The following ADAMTS2 variants were observed in gnomAD, a reference collection of about 807,000 sequenced individuals.
ADAMTS2 encodes the protein A disintegrin and metalloproteinase with thrombospondin motifs 2.
A neutral mutation model predicts 123.0 loss-of-function variants in ADAMTS2; 50 were observed. The observed-to-expected ratio is 0.41, with a 90% confidence interval of 0.32 to 0.51. ADAMTS2 has a LOEUF of 0.51. Ranked by LOEUF, ADAMTS2 falls within the 20% of genes least tolerant of loss-of-function variation. The pLI is 0.35. For missense variants in ADAMTS2, 1,494 were observed against 1,705.2 expected (o/e 0.88, Z 2.18); for synonymous variants, 678 against 695.4 (o/e 0.98, Z 0.39).
chr5:179,166,048 C>T (rs754642575), intron 5 of ADAMTS2, among the ~76,000 whole-genome samples: 107 of 152,314 alleles, frequency 7.0e-4, no homozygotes, highest in Middle Eastern at 3.4e-3. Context: ...GACATGGGCT[C>T]CCAACTGGGC....
In ADAMTS2 at chr5:179,308,722, G is replaced by C. The variant is rs1353202252; in HGVS notation, c.534+35045C>G. Among the ~76,000 whole-genome samples the C allele has an allele frequency of 6.6e-6, 1 of 152,202 alleles. No individual in the cohort carries two copies. The highest frequency in any genetic ancestry group is 2.4e-5 in the African/African-American group (1 of 41,458). On this transcript the variant is annotated intron_variant, in intron 2 of 21. Transcript: ENST00000251582. This position sits in a 1 kb window ranked among gnomAD's most constrained non-coding sequence, Gnocchi z 6.6. ...GTGTCCCAGCAGATGAATCTGGCTG[G>C]CGTCCTGAGTGGAAGCAGGGCGCGG...
At chr5:179,222,569 G>A (rs966886863) in intron 3 of ADAMTS2, among the ~76,000 whole-genome samples, 3 of 152,200 alleles carry the variant, frequency 2.0e-5, no homozygotes, top group Admixed American at 2.0e-4. Context: ...GCAGCTGGCC[G>A]GGCAGAAACT....
chr5:179,263,847 C>G (rs531593055), intron 3 of ADAMTS2, among the ~76,000 whole-genome samples: 14 of 152,356 alleles, frequency 9.2e-5, no homozygotes, highest in South Asian at 2.1e-4. Context: ...GCTCAGAGCT[C>G]CTTCAGGGCC....
chr5:179,211,656 G>A (rs1353303453), intron 3 of ADAMTS2, among the ~76,000 whole-genome samples: 1 of 152,252 alleles, frequency 6.6e-6, no homozygotes, highest in Non-Finnish European at 1.5e-5. Flanking sequence ...TAAACAGGGA[G>A]AGGATGGAAT....
chr5:179,207,012 T>A (rs564063043), intron 4 of ADAMTS2, among the ~76,000 whole-genome samples: 2 of 152,194 alleles, frequency 1.3e-5, no homozygotes, highest in South Asian at 4.1e-4. Context: ...CTCGCTCTAA[T>A]GCACGTGAAT....
At chr5:179,257,633 G>T (rs1469586379) in intron 3 of ADAMTS2, among the ~76,000 whole-genome samples, 1 of 152,182 alleles carries the variant, frequency 6.6e-6, no homozygotes, top group Non-Finnish European at 1.5e-5. Flanking sequence ...GACGACCGCA[G>T]GTTTCGCCTC....
In ADAMTS2 at chr5:179,256,501, C is replaced by T. The variant is rs900959642; in HGVS notation, c.688+16410G>A. 2.7e-5 allele frequency among the ~76,000 whole-genome samples: 4 copies of T among 150,802 alleles called. No homozygotes were observed. The highest frequency in any genetic ancestry group is 9.7e-5 in the African/African-American group (4 of 41,340). On this transcript the variant is annotated intron_variant, in intron 3 of 21. Coordinates refer to ENST00000251582, the MANE Select transcript of ADAMTS2 (RefSeq NM_014244.5). This position sits in a 1 kb window ranked among gnomAD's most constrained non-coding sequence, Gnocchi z 4.1. ...AAGATGTGGATGTGTCTGCTCTGAC[C>T]ATGGGTGTGTGCATGCCTGCGTGTG...
At position 179,212,560 on chromosome 5, in the gene ADAMTS2, T is replaced by C. The variant is rs374513876; in HGVS notation, c.689-4845A>G. Among the ~76,000 whole-genome samples the C allele has an allele frequency of 2.9e-5, 4 of 137,028 alleles. 1 individual carries two copies. In the South Asian group the frequency reaches 7.6e-4, roughly 26 times the overall value. 89.9% of individuals were successfully genotyped at this position (137,028 alleles called of 152,430 possible). On this transcript the variant is annotated intron_variant, in intron 3 of 21. Coordinates refer to ENST00000251582, the MANE Select transcript of ADAMTS2 (RefSeq NM_014244.5). The stretch of plus-strand genomic sequence containing the variant: ...AGGTGCAGTGAGCAGGCGTGGGTCC[T>C]GAGGGCAGGTGCAGTGGGCAGGCGT...
chr5:179,274,122 ACCCTGCCCTC>A (rs797010144), intron 2 of ADAMTS2, among the ~76,000 whole-genome samples: 10 of 143,662 alleles, frequency 7.0e-5, no homozygotes, highest in African/African-American at 2.3e-4. Context: ...CCCCTGCCAT[ACCCTGCCCTC>A]CCCTGCCATA....
chr5:179,208,162 C>CG lies in ADAMTS2; in HGVS notation c.689-448dup, dbSNP rs1193550800. On this transcript the variant is annotated intron_variant, in intron 3 of 21. Transcript: ENST00000251582. Reference sequence around the variant, plus strand: ...AGAGCCACCCCTTGCCCACACTGCCCGATGCTGGAGTGGGTAGAGCCACCT... The same window carrying CG: ...AGAGCCACCCCTTGCCCACACTGCCCGGATGCTGGAGTGGGTAGAGCCACCT... Among the ~76,000 whole-genome samples the CG allele has an allele frequency of 1.7e-4, 15 of 87,292 alleles. 1 individual carries two copies. The highest frequency in any genetic ancestry group is 2.9e-4 in the Non-Finnish European group (14 of 48,120). The allele number at this position is 87,292 out of a possible 152,430, so 57.3% of individuals were successfully genotyped here. A position where few individuals can be genotyped will look rare whatever the true frequency, so the allele number is the denominator to read the frequency against.
intron 2 of ADAMTS2, among the ~76,000 whole-genome samples, chr5:179,320,254 G>A (rs1277276592): frequency 6.6e-6 from 1 of 152,142 alleles, no homozygotes; most frequent in Admixed American, 6.5e-5. Flanking sequence ...CCCAATCCTG[G>A]CCCCAGCCAC....
In ADAMTS2 at chr5:179,117,964, G is replaced by A. The variant is rs1356613360; in HGVS notation, c.3179-3640C>T. Among the ~76,000 whole-genome samples, 4 of 152,114 alleles carry A rather than the reference G, an allele frequency of 2.6e-5. No individual in the cohort carries two copies. The highest frequency in any genetic ancestry group is 2.1e-4 in the South Asian group (1 of 4,830). ...CCTTTACAGAAAAGGTTGACTGATC[G>A]TGGGTCAAGTGCACGCCTAGGTCAG... On this transcript the variant is annotated intron_variant, in intron 21 of 21. Coordinates refer to ENST00000251582, the MANE Select transcript of ADAMTS2 (RefSeq NM_014244.5). The surrounding 1 kb of genome is among the most constrained non-coding windows in gnomAD (Gnocchi z 4.2).
intron 13 of ADAMTS2, among the ~76,000 whole-genome samples, chr5:179,135,029 G>A (rs1295287826): frequency 7.9e-5 from 8 of 101,314 alleles, no homozygotes; most frequent in African/African-American, 2.8e-4. Flanking sequence ...CCCGGCTCCA[G>A]CTCCAGCCCC....
intron 3 of ADAMTS2, among the ~76,000 whole-genome samples, chr5:179,219,452 C>T (rs1314509407): frequency 6.6e-6 from 1 of 152,248 alleles, no homozygotes; most frequent in Non-Finnish European, 1.5e-5. Context: ...AGCCACAGCT[C>T]TCTTGAACGA....
chr5:179,213,829 T>C (rs1388665344), intron 3 of ADAMTS2, among the ~76,000 whole-genome samples: 1 of 152,084 alleles, frequency 6.6e-6, no homozygotes, highest in Non-Finnish European at 1.5e-5. Flanking sequence ...ATACAAAAGA[T>C]ACGAAACTTT....
At position 179,344,687 on chromosome 5, in the gene ADAMTS2, G is replaced by A. The variant is rs912927867; in HGVS notation, c.139+503C>T. Among the ~76,000 whole-genome samples, 7 of 152,308 alleles carry A rather than the reference G, an allele frequency of 4.6e-5. No homozygotes were observed. In the East Asian group the frequency reaches 1.4e-3, roughly 29 times the overall value. On this transcript the variant is annotated intron_variant, in intron 1 of 21. Coordinates refer to ENST00000251582, the MANE Select transcript of ADAMTS2 (RefSeq NM_014244.5). ...GGCCTGTCCTGCCTGTCCAGCTCCC[G>A]CTCAGCCCGCTGCCGGCCCCGTCTC... is the stretch of plus-strand genomic sequence containing the variant.
At chr5:179,176,115 G>A (rs181449035) in intron 5 of ADAMTS2, among the ~76,000 whole-genome samples, 5 of 152,260 alleles carry the variant, frequency 3.3e-5, no homozygotes, top group Non-Finnish European at 5.9e-5. Context: ...CTAAGAATTC[G>A]CTGTGCAGAA....
intron 4 of ADAMTS2, among the ~76,000 whole-genome samples, chr5:179,183,258 C>T (rs1175303390): frequency 6.6e-6 from 1 of 152,184 alleles, no homozygotes; most frequent in Non-Finnish European, 1.5e-5. Context: ...CTGTAATTGT[C>T]CACAGTATTG....
chr5:179,224,715 G>A (rs917715946), intron 3 of ADAMTS2, among the ~76,000 whole-genome samples: 1 of 152,214 alleles, frequency 6.6e-6, no homozygotes, highest in Admixed American at 6.5e-5. Context: ...ATTTGCATGT[G>A]AAGTCTCTGA....
Sources: allele counts gnomAD v4.1 joint callset (sites outside exome capture counted in the v4.1 genomes callset), GRCh38; gene constraint gnomAD v4.1.1; non-coding constraint Gnocchi (gnomAD v3.1); transcripts MANE v1.5; gene names NCBI Gene and HGNC (gene_info 2026-07-23, HGNC 2026-07-21).